The following CNKSR2 variants were observed in gnomAD, a reference collection of about 807,000 sequenced individuals.
CNKSR2 encodes the protein connector enhancer of kinase suppressor of Ras 2, also known as CNK homolog protein 2.
CNKSR2 carries 14 observed loss-of-function variants against 84.4 expected under a neutral mutation model. That is an observed-to-expected ratio of 0.17 (90% CI 0.11 to 0.26). The LOEUF (loss-of-function observed/expected upper bound fraction) is 0.26, where lower values mean the gene tolerates loss of function less well. Ranked by LOEUF, CNKSR2 falls within the 10% of genes least tolerant of loss-of-function variation. The pLI is 1.00. For synonymous variants in CNKSR2, 275 were observed against 277.9 expected (o/e 0.99, Z 0.10); for missense variants, 485 against 771.2 (o/e 0.63, Z 4.40).
At chrX:21,458,395 A>C (rs2091020040) in intron 4 of CNKSR2, among the ~76,000 whole-genome samples, 1 of 112,125 alleles carries the variant, frequency 8.9e-6, no homozygotes, top group South Asian at 3.7e-4. Flanking sequence ...ATCTTGATGA[A>C]GTTGTCATCT....
intron 11 of CNKSR2, among the ~76,000 whole-genome samples, chrX:21,540,134 T>G (rs2091964486): frequency 8.9e-6 from 1 of 112,049 alleles, no homozygotes; most frequent in African/African-American, 3.2e-5. Context: ...TCACTTCAGG[T>G]AAGTTGGAAG....
At chrX:21,644,727 T>C (rs996845617) in intron 20 of CNKSR2, 5 of 111,813 alleles carry the variant, frequency 4.5e-5, no homozygotes, top group African/African-American at 1.6e-4. Flanking sequence ...TCCATTAAGG[T>C]ACAGGAAGAA....
chrX:21,612,409 G>C (rs1389570215), intron 20 of CNKSR2, among the ~76,000 whole-genome samples: 1 of 112,295 alleles, frequency 8.9e-6, no homozygotes. Flanking sequence ...ACAGCAGTGT[G>C]TTACTTACTG....
intron 2 of CNKSR2, among the ~76,000 whole-genome samples, chrX:21,431,739 G>T (rs1333417001): frequency 9.0e-6 from 1 of 111,728 alleles, no homozygotes; most frequent in African/African-American, 3.2e-5. Context: ...AGTTTGAAGG[G>T]ATCCTACAAT....
chrX:21,555,163 C>G (rs761090478), intron 11 of CNKSR2, among the ~76,000 whole-genome samples: 1 of 111,001 alleles, frequency 9.0e-6, no homozygotes, highest in South Asian at 3.8e-4. Flanking sequence ...TGAAAAGTGT[C>G]TGTTCATGTC....
At chrX:21,454,992 A>T (rs2090979985) in intron 4 of CNKSR2, among the ~76,000 whole-genome samples, 1 of 111,623 alleles carries the variant, frequency 9.0e-6, no homozygotes, top group African/African-American at 3.2e-5. Flanking sequence ...AAACCTGTGG[A>T]TCAGTTTATC....
intron 19 of CNKSR2, 87 bp downstream of exon 19, chrX:21,606,966 G>A: frequency 2.1e-6 from 1 of 467,200 alleles, no homozygotes; most frequent in Non-Finnish European, 3.4e-6. Context: ...GTAGTAGATT[G>A]CATATCAAAT....
chrX:21,456,573 A>G (rs1171198327), intron 4 of CNKSR2, among the ~76,000 whole-genome samples: 1 of 111,297 alleles, frequency 9.0e-6, no homozygotes, highest in Non-Finnish European at 1.9e-5. Context: ...TTAATATTTC[A>G]TTGTGTGTGT....
chrX:21,538,409 G>C (rs2091948822), intron 11 of CNKSR2: 1 of 111,547 alleles, frequency 9.0e-6, no homozygotes, highest in South Asian at 3.7e-4. Flanking sequence ...AATGTGATTT[G>C]GAGAAGACTT....
At chrX:21,442,500 G>A (rs2147088386) in intron 4 of CNKSR2, among the ~76,000 whole-genome samples, 1 of 111,627 alleles carries the variant, frequency 9.0e-6, no homozygotes, top group African/African-American at 3.2e-5. Context: ...GAATTAGATT[G>A]CCACTAGTTA....
chrX:21,375,797 A>G (rs975175871), intron 1 of CNKSR2, among the ~76,000 whole-genome samples: 1 of 111,436 alleles, frequency 9.0e-6, no homozygotes, highest in African/African-American at 3.3e-5. Flanking sequence ...TAATAACCAC[A>G]GTTATAGACA....
At chrX:21,435,087 G>T (rs1267097505) in intron 3 of CNKSR2, among the ~76,000 whole-genome samples, 1 of 108,609 alleles carries the variant, frequency 9.2e-6, no homozygotes, top group Non-Finnish European at 1.9e-5. Flanking sequence ...TTGAGGAAGG[G>T]ATATGGCATA....
intron 10 of CNKSR2, 66 bp downstream of exon 10, chrX:21,527,066 G>T (rs970481526): frequency 5.7e-5 from 56 of 982,720 alleles, no homozygotes; most frequent in Non-Finnish European, 7.7e-5. Flanking sequence ...CATATAAACT[G>T]CAAAGTCAAT....
At position 21,622,926 on chromosome X, in the gene CNKSR2, T is replaced by C. The variant is rs187314820; in HGVS notation, c.2692+13309T>C. The stretch of plus-strand genomic sequence containing the variant: ...CTACAAATAATAGGAAACATGACAC[T>C]ATAAAAATTAGGTGACTTCATTAGG... On this transcript the variant is annotated intron_variant, in intron 20 of 21. Transcript: ENST00000379510. 2.4e-4 allele frequency among the ~76,000 whole-genome samples: 27 copies of C among 111,735 alleles called. 1 individual carries two copies. The highest frequency in any genetic ancestry group is 8.4e-4 in the African/African-American group (26 of 30,871).
At chrX:21,600,513 A>G (rs2092475772) in intron 17 of CNKSR2, among the ~76,000 whole-genome samples, 1 of 112,160 alleles carries the variant, frequency 8.9e-6, no homozygotes, top group African/African-American at 3.2e-5. Flanking sequence ...TTGTGATTAG[A>G]TAATCTGATA....
rs1419943271 is a variant in CNKSR2 at position 21,654,142 on chromosome X, G to A, written c.*1621G>A. Reference sequence around the variant, plus strand: ...TTAGTCAAAATGGATGAGAAATCATGTATTAATGTTTGTATGGAATTTTGG... The same window carrying A: ...TTAGTCAAAATGGATGAGAAATCATATATTAATGTTTGTATGGAATTTTGG... On this transcript the variant is annotated 3_prime_UTR_variant, in exon 22 of 22. Transcript: ENST00000379510. 2.7e-5 allele frequency: 3 copies of A among 109,545 alleles called. No homozygotes were observed. The Admixed American group carries it at 2.9e-4, about 11-fold the overall frequency. 9.0% of individuals were successfully genotyped at this position (109,545 alleles called of 1,213,427 possible).
intron 13 of CNKSR2, among the ~76,000 whole-genome samples, chrX:21,579,605 T>C (rs1286240087): frequency 8.9e-6 from 1 of 112,446 alleles, no homozygotes; most frequent in Non-Finnish European, 1.9e-5. Flanking sequence ...AACAGCCATA[T>C]GAAATACACT....
intron 4 of CNKSR2, among the ~76,000 whole-genome samples, chrX:21,464,190 A>G (rs748216752): frequency 8.9e-6 from 1 of 112,176 alleles, no homozygotes; most frequent in Non-Finnish European, 1.9e-5. Flanking sequence ...TGCTCCCTCC[A>G]TGGGTGAACA....
chrX:21,527,945 G>T (rs1386805672), intron 10 of CNKSR2, among the ~76,000 whole-genome samples: 7 of 110,577 alleles, frequency 6.3e-5, no homozygotes, highest in Non-Finnish European at 1.9e-5. Context: ...TATTAGATAT[G>T]ATGGTTTACT....
Sources: gnomAD v4.1 joint callset for allele counts (sites outside exome capture counted in the v4.1 genomes callset) on GRCh38, gnomAD v4.1.1 for gene constraint, MANE v1.5 for transcripts, NCBI Gene and HGNC (gene_info 2026-07-23, HGNC 2026-07-21) for gene names.